The following DNM3 variants were observed in gnomAD, a reference collection of about 807,000 sequenced individuals.
DNM3 encodes dynamin-3.
A neutral mutation model predicts 101.6 loss-of-function variants in DNM3; 47 were observed. The observed-to-expected ratio is 0.46, with a 90% CI of 0.37 to 0.59. The LOEUF (loss-of-function observed/expected upper bound fraction) is 0.59. Among genes scored for constraint, DNM3 ranks in the 20% least tolerant of loss-of-function variants. The pLI is 0.00. For synonymous variants in DNM3, 385 were observed against 387.9 expected (o/e 0.99, Z 0.09); for missense variants, 849 against 1,085.7 (o/e 0.78, Z 3.06).
In DNM3 at chr1:172,288,602, A is replaced by G. The variant is rs559436395; in HGVS notation, c.1770-20126A>G. Among the ~76,000 whole-genome samples the G allele has an allele frequency of 3.9e-5, 6 of 152,358 alleles. No homozygotes were observed. The South Asian group carries it at 1.2e-3, about 32-fold the overall frequency. On this transcript the variant is annotated intron_variant, in intron 15 of 20. Transcript: ENST00000627582. ...GAGGTGATGACATCCTGGACTAGAA[A>G]GATGGAATAGAGGAATAAATGGGAG...
chr1:172,288,064 T>C (rs2148809391), intron 15 of DNM3, among the ~76,000 whole-genome samples: 1 of 152,280 alleles, frequency 6.6e-6, no homozygotes, highest in Middle Eastern at 3.4e-3. Context: ...CATGCATTCA[T>C]TGCAAATTAT....
intron 1 of DNM3, among the ~76,000 whole-genome samples, chr1:171,895,289 C>G (rs1420113386): frequency 6.6e-6 from 1 of 152,314 alleles, no homozygotes; most frequent in Non-Finnish European, 1.5e-5. Flanking sequence ...CACATTCTCT[C>G]CAGCATCTGT....
intron 4 of DNM3, among the ~76,000 whole-genome samples, chr1:172,029,461 C>A (rs1463606422): frequency 5.3e-5 from 8 of 152,100 alleles, no homozygotes; most frequent in Admixed American, 5.2e-4. Flanking sequence ...ACTGAATGGG[C>A]AAAAGCTGGA....
chr1:172,190,060 G>A (rs868718175), intron 14 of DNM3, among the ~76,000 whole-genome samples: 2 of 145,176 alleles, frequency 1.4e-5, no homozygotes, highest in African/African-American at 2.6e-5. Flanking sequence ...TGTGCACAAC[G>A]TGCAGTTTGT....
chr1:172,401,450 G>T (rs1278868827), intron 20 of DNM3, among the ~76,000 whole-genome samples: 1 of 152,082 alleles, frequency 6.6e-6, no homozygotes, highest in Non-Finnish European at 1.5e-5. Context: ...TATGTCACAG[G>T]CTAATTTATA....
intron 13 of DNM3, chr1:172,093,827 A>AT (rs970304927): frequency 3.4e-5 from 40 of 1,174,592 alleles, no homozygotes; most frequent in Middle Eastern, 2.0e-4. Flanking sequence ...CTTGCTACTA[A>AT]TTTTTTTTAA....
chr1:171,891,740 A>T (rs1198179994), intron 1 of DNM3, among the ~76,000 whole-genome samples: 1 of 152,218 alleles, frequency 6.6e-6, no homozygotes, highest in African/African-American at 2.4e-5. Context: ...GAAAGATCAC[A>T]GAGGGAAATT....
intron 2 of DNM3, among the ~76,000 whole-genome samples, chr1:171,938,390 C>T (rs559537723): frequency 6.6e-6 from 1 of 152,284 alleles, no homozygotes; most frequent in African/African-American, 2.4e-5. Context: ...TTGGCATCTC[C>T]TCCTTGATTT....
chr1:172,402,209 G>A (rs2070542770), intron 20 of DNM3, among the ~76,000 whole-genome samples: 1 of 142,530 alleles, frequency 7.0e-6, no homozygotes, highest in African/African-American at 2.5e-5. Context: ...GATTCAAGAG[G>A]GTCATTGAGA....
At chr1:172,304,429 A>G (rs2064673744) in intron 15 of DNM3, among the ~76,000 whole-genome samples, 1 of 152,066 alleles carries the variant, frequency 6.6e-6, no homozygotes, top group Non-Finnish European at 1.5e-5. Flanking sequence ...CTCCCATACA[A>G]TAAGGGGAGA....
chr1:172,053,302 C>T (rs1442312183), intron 10 of DNM3, among the ~76,000 whole-genome samples: 2 of 151,896 alleles, frequency 1.3e-5, no homozygotes, highest in African/African-American at 2.4e-5. Context: ...TCTCACTTTC[C>T]CTCCTGTGTT....
intron 4 of DNM3, among the ~76,000 whole-genome samples, chr1:172,007,776 TA>T (rs1301607987): frequency 6.6e-6 from 1 of 152,064 alleles, no homozygotes; most frequent in East Asian, 1.9e-4. Flanking sequence ...AAGTTTAATT[TA>T]TTTATTTGAG....
intron 15 of DNM3, among the ~76,000 whole-genome samples, chr1:172,302,329 C>G (rs974698903): frequency 1.3e-5 from 2 of 152,176 alleles, no homozygotes; most frequent in Non-Finnish European, 2.9e-5. Flanking sequence ...GGGGTGTCCC[C>G]CATTGCTGAA....
At position 172,412,709 on chromosome 1, in the gene DNM3, T is replaced by G; in HGVS notation, c.*4868T>G. The stretch of plus-strand genomic sequence containing the variant: ...TCTGAAGCTGAAATAAATTATAACA[T>G]TTGAAGGACCCCTTTTCCTCATTCT... On this transcript the variant is annotated 3_prime_UTR_variant, in exon 21 of 21. Transcript: ENST00000627582. 1 of 985,794 alleles carries G rather than the reference T, an allele frequency of 1.0e-6. No homozygotes were observed. Among genetic ancestry groups the G allele is most frequent in the Non-Finnish European group, 1.2e-6 (1 of 829,868 alleles). The allele number at this position is 985,794 out of a possible 1,614,324, so 61.1% of individuals were successfully genotyped here.
chr1:172,331,924 G>A (rs1053400276), intron 17 of DNM3, among the ~76,000 whole-genome samples: 2 of 152,072 alleles, frequency 1.3e-5, no homozygotes, highest in Non-Finnish European at 2.9e-5. Context: ...CTTGGGTTAG[G>A]GTCACAGCAG....
intron 11 of DNM3, among the ~76,000 whole-genome samples, chr1:172,076,671 T>G (rs1230114844): frequency 6.6e-6 from 1 of 152,200 alleles, no homozygotes; most frequent in Non-Finnish European, 1.5e-5. Flanking sequence ...GAAGCCGACT[T>G]GATCATGGTG....
intron 15 of DNM3, among the ~76,000 whole-genome samples, chr1:172,292,391 T>C (rs571665030): frequency 1.3e-5 from 2 of 152,344 alleles, no homozygotes; most frequent in Admixed American, 1.3e-4. Context: ...AAATATTTAT[T>C]GTCCAGAAAA....
intron 13 of DNM3, among the ~76,000 whole-genome samples, chr1:172,123,986 G>C (rs534913626): frequency 6.6e-6 from 1 of 152,118 alleles, no homozygotes; most frequent in African/African-American, 2.4e-5. Flanking sequence ...GTTCTGAGAG[G>C]GGTCAAAGCA....
chr1:171,854,930 T>C (rs1309979052), intron 1 of DNM3, among the ~76,000 whole-genome samples: 1 of 152,134 alleles, frequency 6.6e-6, no homozygotes, highest in Non-Finnish European at 1.5e-5. Context: ...GTTTGTTTTA[T>C]AGGTAAACTT....
Sources: allele counts gnomAD v4.1 joint callset (sites outside exome capture counted in the v4.1 genomes callset), GRCh38; gene constraint gnomAD v4.1.1; transcripts MANE v1.5; gene names NCBI Gene and HGNC (gene_info 2026-07-23, HGNC 2026-07-21).